LRRIQ1: variants seen among roughly 807,000 people sequenced by gnomAD.
LRRIQ1 encodes leucine-rich repeat- and IQ domain-containing protein 1.
Under a neutral mutation model 211.9 loss-of-function variants are expected in LRRIQ1, and 210 were observed. That is an observed-to-expected ratio of 0.99 (90% CI 0.89 to 1.11). The LOEUF (loss-of-function observed/expected upper bound fraction) is 1.11. Among genes scored for constraint, LRRIQ1 ranks in the 50% most tolerant of loss-of-function variants. The pLI, the probability that LRRIQ1 is intolerant of heterozygous loss-of-function variation, is 0.00. For missense variants in LRRIQ1, 2,136 were observed against 1,939.5 expected (o/e 1.10, Z -1.90); for synonymous variants, 699 against 650.1 (o/e 1.08, Z -1.14).
rs555365689 is a variant in LRRIQ1 at position 85,263,140 on chromosome 12, A to G, written c.*80A>G. 21 of 880,284 alleles carry G rather than the reference A, an allele frequency of 2.4e-5. No individual in the cohort carries two copies. The African/African-American group carries it at 3.6e-4, about 15-fold the overall frequency. 54.5% of individuals were successfully genotyped at this position (880,284 alleles called of 1,614,324 possible). A position where few individuals can be genotyped will look rare whatever the true frequency, so the allele number is the denominator to read the frequency against. The stretch of plus-strand genomic sequence containing the variant: ...TATCTAGTCATGTTACCAACTGGAT[A>G]CAAGGTTTTAGACTCCTATATTTAA... On this transcript the variant is annotated 3_prime_UTR_variant, in exon 2 of 2. Transcript: ENST00000602731.
chr12:85,203,734 T>A (rs1893405866), intron 24 of LRRIQ1, among the ~76,000 whole-genome samples: 2 of 152,036 alleles, frequency 1.3e-5, no homozygotes, highest in Non-Finnish European at 2.9e-5. Context: ...GTGGAAGAAA[T>A]TTCTAAGCAG....
chr12:85,124,358 A>C lies in LRRIQ1; in HGVS notation c.3846A>C (p.Thr1282=). The change falls in exon 17 of 27, where the codon ACA becomes ACC. Residue 1282 remains threonine, a synonymous_variant. Coordinates refer to ENST00000393217, the MANE Select transcript of LRRIQ1 (RefSeq NM_001079910.2). ...SSHSPLSKSA[T]CENMEGRHQE... The stretch of plus-strand genomic sequence containing the variant: ...ACTCCCCATTAAGCAAATCCGCCAC[A>C]TGTGAAAATATGGAAGGAAGACATC... 1 of 1,614,146 alleles carries C rather than the reference A, an allele frequency of 6.2e-7. No homozygotes were observed. The highest frequency in any genetic ancestry group is 8.5e-7 in the Non-Finnish European group (1 of 1,180,030).
intron 5 of LRRIQ1, 96 bp downstream of exon 5, chr12:85,046,233 T>G (rs1206796989): frequency 1.5e-6 from 1 of 672,162 alleles, no homozygotes; most frequent in Non-Finnish European, 2.6e-6. Flanking sequence ...GTTCTGATAT[T>G]TAGAAAAGCA....
At chr12:85,139,953 GTTTC>G (rs1162167740) in intron 19 of LRRIQ1, among the ~76,000 whole-genome samples, 6 of 150,912 alleles carry the variant, frequency 4.0e-5, no homozygotes, top group Non-Finnish European at 7.4e-5. Context: ...AAATTGAACT[GTTTC>G]TTTCTTCACA....
At chr12:85,083,874 T>C (rs1406478432) in intron 11 of LRRIQ1, among the ~76,000 whole-genome samples, 1 of 152,206 alleles carries the variant, frequency 6.6e-6, no homozygotes, top group Non-Finnish European at 1.5e-5. Context: ...TTTCTGTGCA[T>C]TTGGAAAATC....
At chr12:85,100,880 CTA>C (rs1886298745) in intron 13 of LRRIQ1, among the ~76,000 whole-genome samples, 1 of 151,628 alleles carries the variant, frequency 6.6e-6, no homozygotes, top group Non-Finnish European at 1.5e-5. Context: ...TAGAAATTAT[CTA>C]TTTTAATTTA....
chr12:85,119,319 C>T (rs1227599476), intron 15 of LRRIQ1, among the ~76,000 whole-genome samples: 1 of 152,064 alleles, frequency 6.6e-6, no homozygotes, highest in Non-Finnish European at 1.5e-5. Context: ...CTTTTCTCCA[C>T]CTCTTTTCAT....
At chr12:85,093,483 G>T (rs1046193459) in intron 11 of LRRIQ1, among the ~76,000 whole-genome samples, 2 of 152,176 alleles carry the variant, frequency 1.3e-5, no homozygotes, top group African/African-American at 4.8e-5. Flanking sequence ...TGCAGAGCAT[G>T]CATGTCTTCT....
At chr12:85,269,534 T>C in the LRRIQ1 span, among the ~76,000 whole-genome samples, 5 of 152,052 alleles carry the variant, frequency 3.3e-5, no homozygotes, top group African/African-American at 1.2e-4. Flanking sequence ...TGATTTTACA[T>C]ATGCTGATTC....
intron 3 of LRRIQ1, among the ~76,000 whole-genome samples, chr12:85,044,074 G>A (rs1879237134): frequency 6.6e-6 from 1 of 152,054 alleles, no homozygotes; most frequent in Admixed American, 6.6e-5. Context: ...GTGAATAGGT[G>A]TTAAAAGAAA....
intron 26 of LRRIQ1, among the ~76,000 whole-genome samples, chr12:85,233,511 A>G (rs889046745): frequency 2.6e-5 from 4 of 152,120 alleles, no homozygotes; most frequent in Non-Finnish European, 4.4e-5. Context: ...TTCACCAAAA[A>G]CTGATTATAA....
intron 24 of LRRIQ1, among the ~76,000 whole-genome samples, chr12:85,211,274 A>T (rs1259598938): frequency 4.6e-5 from 7 of 152,148 alleles, no homozygotes; most frequent in Admixed American, 3.9e-4. Context: ...TTCTTGCTTT[A>T]TGAGTTGTTT....
chr12:85,056,007 A>G lies in LRRIQ1; in HGVS notation c.1214A>G (p.Tyr405Cys), dbSNP rs754775188. 6.2e-7 allele frequency: 1 copy of G among 1,608,066 alleles called. No individual in the cohort carries two copies. The highest frequency in any genetic ancestry group is 1.1e-5 in the South Asian group (1 of 89,198). ...AGTAGTGCATTAAAGAAGAGCGGATATAATAACAAACATTTAAGTCTTGAA... is the reference window on the plus strand; with the variant it reads ...AGTAGTGCATTAAAGAAGAGCGGATGTAATAACAAACATTTAAGTCTTGAA... The part of the protein sequence containing the change: ...IISSALKKSG[Y>C]NNKHLSLEDI... The change falls in exon 8 of 27, where the codon TAT (tyrosine) becomes TGT (cysteine). Residue 405 changes from tyrosine to cysteine, a missense_variant. Physicochemically the swap from Tyr to Cys is radical, Grantham distance 194. Coordinates refer to ENST00000393217, the MANE Select transcript of LRRIQ1 (RefSeq NM_001079910.2).
chr12:85,246,627 A>G (rs547076191), downstream of LRRIQ1, among the ~76,000 whole-genome samples: 3 of 151,566 alleles, frequency 2.0e-5, no homozygotes, highest in African/African-American at 7.2e-5. Flanking sequence ...ATATAATTAT[A>G]TAGAGTTCAT....
At chr12:85,101,457 C>T (rs182049276) in intron 13 of LRRIQ1, among the ~76,000 whole-genome samples, 2 of 151,824 alleles carry the variant, frequency 1.3e-5, no homozygotes, top group East Asian at 3.9e-4. Context: ...ATTGGCTGTT[C>T]ATTGTACAAA....
chr12:85,137,393 A>G (rs1184655643), intron 18 of LRRIQ1, among the ~76,000 whole-genome samples: 1 of 151,616 alleles, frequency 6.6e-6, no homozygotes, highest in Non-Finnish European at 1.5e-5. Flanking sequence ...ATTTATTTAA[A>G]AATGAAATTA....
chr12:85,154,167 A>G, intron 23 of LRRIQ1, 73 bp downstream of exon 23: 1 of 783,668 alleles, frequency 1.3e-6, no homozygotes, highest in Non-Finnish European at 1.9e-6. Flanking sequence ...AATATATTTT[A>G]TAAATTATGT....
At position 85,044,727 on chromosome 12, in the gene LRRIQ1, A is replaced by T; in HGVS notation, c.254A>T (p.Tyr85Phe). The part of the protein sequence containing the change: ...LEDTDILSCS[Y>F]GAVSNNHMHL... ...TTTTTTCTTTCTCTAGGCTGTAGTT[A>T]TGGAGCAGTTTCTAATAATCATATG... Residue 85 changes from tyrosine (Y) to phenylalanine (F), a missense_variant, in exon 4 of 27, where the codon TAT (tyrosine) becomes TTT (phenylalanine). By Grantham distance (22) the Tyr-to-Phe change is conservative. Coordinates refer to ENST00000393217, the MANE Select transcript of LRRIQ1 (RefSeq NM_001079910.2). 6.5e-7 allele frequency: 1 copy of T among 1,542,572 alleles called. No homozygotes were observed. The highest frequency in any genetic ancestry group is 1.4e-5 in the African/African-American group (1 of 73,786).
Position 85,055,712 on chromosome 12 carries a change from A to T in LRRIQ1, c.919A>T (p.Ile307Phe). 1 of 1,607,868 alleles carries T rather than the reference A, an allele frequency of 6.2e-7. No individual in the cohort carries two copies. Among genetic ancestry groups the T allele is most frequent in the Non-Finnish European group, 8.5e-7 (1 of 1,178,100 alleles). ...TGCCTATCAAAAATATGGCCCAATTATTAAAGAGCAAATTGAAAGTAAGAA... is the reference window on the plus strand; with the variant it reads ...TGCCTATCAAAAATATGGCCCAATTTTTAAAGAGCAAATTGAAAGTAAGAA... The part of the protein sequence containing the change: ...FVAYQKYGPI[I>F]KEQIESKKRK... The change falls in exon 8 of 27, where the codon ATT (isoleucine) becomes TTT (phenylalanine). Residue 307 changes from isoleucine to phenylalanine, a missense_variant. Transcript: ENST00000393217.
Sources: allele counts gnomAD v4.1 joint callset (sites outside exome capture counted in the v4.1 genomes callset), GRCh38; gene constraint gnomAD v4.1.1; transcripts MANE v1.5; gene names NCBI Gene and HGNC (gene_info 2026-07-23, HGNC 2026-07-21).